HDAC9: variants seen among roughly 807,000 people sequenced by gnomAD.
HDAC9 encodes MEF-2 interacting transcription repressor (MITR) protein.
A neutral mutation model predicts 139.4 loss-of-function variants in HDAC9; 41 were observed. The ratio of observed to expected loss-of-function variants is 0.29; its 90% CI spans 0.23 to 0.38. The LOEUF (loss-of-function observed/expected upper bound fraction) is 0.38, where lower values mean the gene tolerates loss of function less well. HDAC9 is among the 10% of genes least tolerant of loss of function. The pLI, the probability that HDAC9 is intolerant of heterozygous loss-of-function variation, is 1.00. For missense variants in HDAC9, 1,147 were observed against 1,297.0 expected (o/e 0.88, Z 1.78); for synonymous variants, 517 against 476.2 (o/e 1.09, Z -1.12).
intron 22 of HDAC9, among the ~76,000 whole-genome samples, chr7:18,879,600 G>A (rs991596299): frequency 7.2e-5 from 11 of 152,088 alleles, no homozygotes; most frequent in Non-Finnish European, 8.8e-5. Context: ...GAGATAACTC[G>A]CTAGCCACAT....
At chr7:18,649,250 C>A (rs1016247399) in intron 11 of HDAC9, among the ~76,000 whole-genome samples, 3 of 152,132 alleles carry the variant, frequency 2.0e-5, no homozygotes, top group African/African-American at 7.2e-5. Context: ...GTACCACATC[C>A]TTAGGAGCTC....
chr7:18,526,138 A>G (rs948324504), intron 2 of HDAC9, among the ~76,000 whole-genome samples: 2 of 152,218 alleles, frequency 1.3e-5, no homozygotes, highest in South Asian at 2.1e-4. Context: ...AAATAATTTA[A>G]TAAGTCTGCA....
chr7:18,702,762 G>A (rs191814119), intron 12 of HDAC9, among the ~76,000 whole-genome samples: 43 of 152,258 alleles, frequency 2.8e-4, no homozygotes, highest in Middle Eastern at 3.4e-3. Context: ...ATTTCCCTCT[G>A]GCCTTTACCA....
chr7:18,316,956 T>A (rs1177680017), intron 1 of HDAC9, among the ~76,000 whole-genome samples: 1 of 151,668 alleles, frequency 6.6e-6, no homozygotes, highest in Non-Finnish European at 1.5e-5. Context: ...TAGTTGGGAA[T>A]GGTGGCGGGC....
intron 2 of HDAC9, among the ~76,000 whole-genome samples, chr7:18,532,166 C>T (rs1432482952): frequency 2.6e-5 from 4 of 152,130 alleles, no homozygotes; most frequent in African/African-American, 9.7e-5. Flanking sequence ...AGGAGAATTG[C>T]TTGAACCTGG....
chr7:18,376,959 G>T (rs557666784), intron 1 of HDAC9, among the ~76,000 whole-genome samples: 2 of 152,092 alleles, frequency 1.3e-5, no homozygotes, highest in South Asian at 4.2e-4. Context: ...AGACATTAAT[G>T]GTTTTTTAAA....
intron 1 of HDAC9, among the ~76,000 whole-genome samples, chr7:18,366,156 A>G (rs1376175918): frequency 6.6e-6 from 1 of 152,070 alleles, no homozygotes; most frequent in East Asian, 1.9e-4. Context: ...TGCTTTATGT[A>G]TTATATAGAG....
chr7:18,963,161 G>GA (rs898837960), intron 24 of HDAC9, among the ~76,000 whole-genome samples: 1 of 152,074 alleles, frequency 6.6e-6, no homozygotes, highest in African/African-American at 2.4e-5. Flanking sequence ...TAGGAGAGGG[G>GA]AAAAAACATA....
intron 21 of HDAC9, among the ~76,000 whole-genome samples, chr7:18,873,404 C>T (rs1010538643): frequency 6.6e-6 from 1 of 152,056 alleles, no homozygotes; most frequent in African/African-American, 2.4e-5. Context: ...CAATCATTTA[C>T]ATTTCTAGGT....
At chr7:18,718,452 C>G (rs895547148) in intron 12 of HDAC9, among the ~76,000 whole-genome samples, 4 of 151,920 alleles carry the variant, frequency 2.6e-5, no homozygotes, top group Non-Finnish European at 4.4e-5. Flanking sequence ...AGGCTGGTCT[C>G]GAACTCCTGA....
intron 2 of HDAC9, among the ~76,000 whole-genome samples, chr7:18,265,372 C>T (rs1245248942): frequency 1.3e-5 from 2 of 152,134 alleles, no homozygotes; most frequent in African/African-American, 4.8e-5. Flanking sequence ...TTTACCTTCA[C>T]GGAATTTCTA....
chr7:18,595,172 T>C (rs1832118457), intron 6 of HDAC9, among the ~76,000 whole-genome samples: 1 of 152,070 alleles, frequency 6.6e-6, no homozygotes, highest in East Asian at 1.9e-4. Flanking sequence ...GGAAAGGATG[T>C]TTAACTATTG....
chr7:18,162,598 A>G (rs1787710443), intron 2 of HDAC9: 9 of 513,634 alleles, frequency 1.8e-5, no homozygotes, highest in South Asian at 1.4e-4. Flanking sequence ...TTCTGCTTCC[A>G]AGGTAACATT....
intron 1 of HDAC9, among the ~76,000 whole-genome samples, chr7:18,380,156 A>G (rs931766195): frequency 6.6e-6 from 1 of 152,242 alleles, no homozygotes; most frequent in Non-Finnish European, 1.5e-5. Flanking sequence ...TTTTATAAAA[A>G]TTGTTTGCAG....
chr7:18,825,546 G>A (rs1795358343), intron 17 of HDAC9, among the ~76,000 whole-genome samples: 1 of 151,970 alleles, frequency 6.6e-6, no homozygotes, highest in South Asian at 2.1e-4. Context: ...GGACTAATGA[G>A]GTTGGAGGAG....
intron 1 of HDAC9, among the ~76,000 whole-genome samples, chr7:18,392,993 T>C (rs1220916343): frequency 1.3e-5 from 1 of 76,526 alleles, no homozygotes; most frequent in East Asian, 3.3e-4. Context: ...TTAAAGAAAA[T>C]AATTAAGTGT....
chr7:18,886,525 A>T (rs562601994), intron 22 of HDAC9, among the ~76,000 whole-genome samples: 2 of 152,274 alleles, frequency 1.3e-5, no homozygotes, highest in South Asian at 4.1e-4. Flanking sequence ...TCATCATGAG[A>T]TTGAGGCTGT....
At chr7:18,518,992 A>G (rs551499384) in intron 2 of HDAC9, among the ~76,000 whole-genome samples, 1 of 152,210 alleles carries the variant, frequency 6.6e-6, no homozygotes, top group Non-Finnish European at 1.5e-5. Flanking sequence ...CTTTATGTCC[A>G]GAAGCCCAGT....
Position 18,688,576 on chromosome 7 carries a change from A to G in HDAC9, c.1731+22100A>G, listed in dbSNP as rs545829571. ...AATTTTGATACTGACTTCTGGGTTC[A>G]CTTATAGTTGGCACATCCTTTTTTT... is the stretch of plus-strand genomic sequence containing the variant. On this transcript the variant is annotated intron_variant, in intron 12 of 25. Coordinates refer to ENST00000686413, the MANE Select transcript of HDAC9 (RefSeq NM_178425.4). Among the ~76,000 whole-genome samples, 6 of 151,994 alleles carry G rather than the reference A, an allele frequency of 3.9e-5. No homozygotes were observed. In the East Asian group the frequency reaches 1.2e-3, roughly 29 times the overall value.
Sources: gnomAD v4.1 joint callset for allele counts (sites outside exome capture counted in the v4.1 genomes callset) on GRCh38, gnomAD v4.1.1 for gene constraint, MANE v1.5 for transcripts, NCBI Gene and HGNC (gene_info 2026-07-23, HGNC 2026-07-21) for gene names.